CEP112: variants seen among roughly 807,000 people sequenced by gnomAD.
CEP112 encodes centrosomal protein 112.
Under a neutral mutation model 153.0 loss-of-function variants are expected in CEP112, and 127 were observed. That is an observed-to-expected ratio of 0.83 (90% CI 0.72 to 0.96). The LOEUF (loss-of-function observed/expected upper bound fraction) is 0.96, where lower values mean the gene tolerates loss of function less well. CEP112 is among the 40% of genes least tolerant of loss of function. The pLI is 0.00. For missense variants in CEP112, 1,089 were observed against 1,101.2 expected (o/e 0.99, Z 0.16); for synonymous variants, 358 against 374.4 (o/e 0.96, Z 0.51).
At chr17:66,043,888 T>G (rs2066091294) in intron 12 of CEP112, among the ~76,000 whole-genome samples, 1 of 152,086 alleles carries the variant, frequency 6.6e-6, no homozygotes, top group Non-Finnish European at 1.5e-5. Flanking sequence ...ACAGAGAAAC[T>G]GATTCTCAGT....
chr17:65,691,977 G>A (rs1164341463), intron 23 of CEP112, among the ~76,000 whole-genome samples: 6 of 152,200 alleles, frequency 3.9e-5, no homozygotes, highest in Non-Finnish European at 5.9e-5. Flanking sequence ...CATACAAGGG[G>A]CTTCATCAAC....
At chr17:65,699,801 T>G (rs2048535133) in intron 23 of CEP112, among the ~76,000 whole-genome samples, 1 of 152,150 alleles carries the variant, frequency 6.6e-6, no homozygotes, top group Non-Finnish European at 1.5e-5. Flanking sequence ...CTGTTTTTGT[T>G]GGCCACATTT....
rs1325083545 is a variant in CEP112, at chr17:66,132,720, A to G, written c.514T>C (p.Leu172=). The part of the protein sequence containing the change: ...TGKLRVRSHS[L]SPTHREDGQN... ...CCATCTTCTCTGTGAGTTGGACTCA[A>G]GGAGTGTGATCTCACTCGGAGCTTC... is the stretch of plus-strand genomic sequence containing the variant. Residue 172 remains leucine (L), a synonymous_variant, in exon 5 of 27, where the codon TTG becomes CTG. Coordinates refer to ENST00000535342, the MANE Select transcript of CEP112 (RefSeq NM_001199165.4). 6.2e-7 allele frequency: 1 copy of G among 1,614,070 alleles called. No individual in the cohort carries two copies. Among genetic ancestry groups the G allele is most frequent in the Admixed American group, 1.7e-5 (1 of 60,022 alleles).
chr17:66,070,976 T>C (rs1309477874), intron 8 of CEP112, among the ~76,000 whole-genome samples: 6 of 152,118 alleles, frequency 3.9e-5, no homozygotes, highest in African/African-American at 1.4e-4. Context: ...ATAATTTAAA[T>C]GACCATACCC....
At chr17:65,838,619 C>T (rs956766851) in intron 21 of CEP112, among the ~76,000 whole-genome samples, 1 of 151,730 alleles carries the variant, frequency 6.6e-6, no homozygotes, top group Non-Finnish European at 1.5e-5. Flanking sequence ...CAAACCAAAC[C>T]CCAGATTTGT....
intron 17 of CEP112, among the ~76,000 whole-genome samples, chr17:65,969,235 C>A (rs1024310645): frequency 6.6e-6 from 1 of 152,056 alleles, no homozygotes; most frequent in African/African-American, 2.4e-5. Flanking sequence ...GCATGCAGTA[C>A]CACGCCTGAC....
chr17:65,886,778 A>C (rs1240149600), intron 20 of CEP112, among the ~76,000 whole-genome samples: 2 of 151,196 alleles, frequency 1.3e-5, no homozygotes, highest in Non-Finnish European at 3.0e-5. Context: ...AAACCAAATT[A>C]ATGTTTTAAG....
At chr17:65,981,919 A>T (rs1218111969) in intron 17 of CEP112, among the ~76,000 whole-genome samples, 1 of 152,228 alleles carries the variant, frequency 6.6e-6, no homozygotes, top group East Asian at 1.9e-4. Context: ...AATTTAAAAT[A>T]AATACATAAA....
chr17:66,094,367 T>C (rs2068256747), intron 8 of CEP112, among the ~76,000 whole-genome samples: 1 of 152,154 alleles, frequency 6.6e-6, no homozygotes. Flanking sequence ...CCAGGTCAAC[T>C]GATTTTTGAC....
chr17:66,142,571 C>T (rs1029282089), intron 4 of CEP112, among the ~76,000 whole-genome samples: 4 of 152,042 alleles, frequency 2.6e-5, no homozygotes, highest in South Asian at 2.1e-4. Context: ...TGCTTGTGGA[C>T]TTCCGGTTTT....
rs78219298 is a variant in CEP112, at chr17:65,693,802, G to C, written c.2608-4584C>G. 4.9e-4 allele frequency among the ~76,000 whole-genome samples: 74 copies of C among 152,250 alleles called. No homozygotes were observed. The East Asian group carries it at 0.011, about 23-fold the overall frequency. On this transcript the variant is annotated intron_variant, in intron 23 of 26. Coordinates refer to ENST00000535342, the MANE Select transcript of CEP112 (RefSeq NM_001199165.4). ...AAATCTTAACCCCCAAGGTTATTAG[G>C]AGACAGGACCTCTGGCAGGGAATGT...
At chr17:66,017,351 T>A (rs1382781280) in intron 16 of CEP112, among the ~76,000 whole-genome samples, 1 of 152,198 alleles carries the variant, frequency 6.6e-6, no homozygotes, top group Non-Finnish European at 1.5e-5. Flanking sequence ...AGAATGAAAT[T>A]ATCTGGGTGG....
intron 20 of CEP112, among the ~76,000 whole-genome samples, chr17:65,883,873 T>C (rs2059178502): frequency 6.6e-6 from 1 of 152,120 alleles, no homozygotes; most frequent in Admixed American, 6.5e-5. Flanking sequence ...GAGATCAATT[T>C]GGGGGACTGA....
At chr17:65,895,645 G>A (rs2059633940) in intron 20 of CEP112, among the ~76,000 whole-genome samples, 1 of 151,958 alleles carries the variant, frequency 6.6e-6, no homozygotes, top group Non-Finnish European at 1.5e-5. Flanking sequence ...AATCTTTCTT[G>A]GAGGAAACTA....
chr17:65,954,371 C>A (rs2061937792), intron 18 of CEP112, among the ~76,000 whole-genome samples: 1 of 152,126 alleles, frequency 6.6e-6, no homozygotes, highest in South Asian at 2.1e-4. Flanking sequence ...CAGCAGCAAA[C>A]CCCAGATCTT....
At chr17:66,081,167 AAAAAGTAAAAT>A (rs1175818141) in intron 8 of CEP112, among the ~76,000 whole-genome samples, 1 of 152,196 alleles carries the variant, frequency 6.6e-6, no homozygotes, top group Non-Finnish European at 1.5e-5. Context: ...ATAATAAAAG[AAAAAGTAAAAT>A]AAAATAAAAA....
chr17:66,145,525 A>G (rs1200779616), intron 4 of CEP112, among the ~76,000 whole-genome samples: 1 of 152,008 alleles, frequency 6.6e-6, no homozygotes, highest in Non-Finnish European at 1.5e-5. Flanking sequence ...TAGGCCTATA[A>G]CTCATTTCAG....
At chr17:65,970,058 C>T (rs75439982) in intron 17 of CEP112, among the ~76,000 whole-genome samples, 1 of 152,198 alleles carries the variant, frequency 6.6e-6, no homozygotes, top group African/African-American at 2.4e-5. Flanking sequence ...TGCCACATCA[C>T]ATGTGTATTG....
At position 66,109,787 on chromosome 17, in the gene CEP112, A is replaced by G. The variant is rs1396483174; in HGVS notation, c.643-13155T>C. Among the ~76,000 whole-genome samples the G allele has an allele frequency of 4.6e-5, 7 of 152,326 alleles. No homozygotes were observed. In the East Asian group the frequency reaches 1.4e-3, roughly 29 times the overall value. ...CTTATAATGACCTTACAAAATGTAT[A>G]TAAACAAAAACAGGGCAAAAGTAGT... is the stretch of plus-strand genomic sequence containing the variant. On this transcript the variant is annotated intron_variant, in intron 6 of 26. Transcript: ENST00000535342.
Sources: allele counts gnomAD v4.1 joint callset (sites outside exome capture counted in the v4.1 genomes callset), GRCh38; gene constraint gnomAD v4.1.1; transcripts MANE v1.5; gene names NCBI Gene and HGNC (gene_info 2026-07-23, HGNC 2026-07-21).